CNNM3: variants seen among roughly 807,000 people sequenced by gnomAD.
CNNM3 encodes metal transporter CNNM3.
In CNNM3, 47 loss-of-function variants were observed where a neutral mutation model predicts 57.1. That is an observed-to-expected ratio of 0.82 (90% CI 0.65 to 1.05). CNNM3 has a LOEUF of 1.05. Among genes scored for constraint, CNNM3 ranks in the 50% least tolerant of loss-of-function variants. The probability of loss-of-function intolerance (pLI) is 0.00; values close to 1 mark genes in which losing one functional copy is unlikely to be tolerated. For synonymous variants in CNNM3, 507 were observed against 478.2 expected (o/e 1.06, Z -0.79); for missense variants, 957 against 973.7 (o/e 0.98, Z 0.23).
At chr2:96,823,513 G>A (rs975587216) in intron 1 of CNNM3, among the ~76,000 whole-genome samples, 2 of 152,188 alleles carry the variant, frequency 1.3e-5, no homozygotes, top group African/African-American at 4.8e-5. Flanking sequence ...CTAGAAACGC[G>A]GTTCAGCAGG....
Position 96,816,437 on chromosome 2 carries a change from G to T in CNNM3, c.160G>T (p.Ala54Ser). The change falls in exon 1 of 8, where the codon GCG (alanine) becomes TCG (serine). Residue 54 changes from alanine to serine, a missense_variant. Physicochemically the swap from Ala to Ser is moderately conservative, Grantham distance 99 (BLOSUM62 1). Transcript: ENST00000305510. ...AGAGWVRGGA[A>S]RDTPDATFLL... is the part of the protein sequence containing the mutation. ...CGCGGGTTGGGTACGCGGAGGGGCGGCGCGGGACACGCCGGACGCCACCTT... is the reference window on the plus strand; with the variant it reads ...CGCGGGTTGGGTACGCGGAGGGGCGTCGCGGGACACGCCGGACGCCACCTT... 1 of 1,410,230 alleles carries T rather than the reference G, an allele frequency of 7.1e-7. No homozygotes were observed. The highest frequency in any genetic ancestry group is 9.2e-7 in the Non-Finnish European group (1 of 1,083,168). The allele number at this position is 1,410,230 out of a possible 1,614,324, so 87.4% of individuals were successfully genotyped here. A position where few individuals can be genotyped will look rare whatever the true frequency, so the allele number is the denominator to read the frequency against.
chr2:96,829,252 C>G, intron 7 of CNNM3, 118 bp downstream of exon 7: 2 of 1,325,238 alleles, frequency 1.5e-6, no homozygotes, highest in Non-Finnish European at 1.9e-6. Context: ...TCTTTTCTCC[C>G]CATCCTTTTC....
intron 5 of CNNM3, 67 bp from the exon 6 acceptor site, chr2:96,828,500 C>T: frequency 1.9e-6 from 3 of 1,599,956 alleles, no homozygotes; most frequent in Non-Finnish European, 2.6e-6. Context: ...TACAGTTGTC[C>T]CCACCAGGGG....
Position 96,818,870 on chromosome 2 carries a change from C to T in CNNM3, c.1225+1368C>T, listed in dbSNP as rs62152792. Reference sequence around the variant, plus strand: ...CTGTAAGGCCAAGAAGTGGCAAAGCCCCCTGGTATTTGTGGCAGGATGTTT... The same window carrying T: ...CTGTAAGGCCAAGAAGTGGCAAAGCTCCCTGGTATTTGTGGCAGGATGTTT... On this transcript the variant is annotated intron_variant, in intron 1 of 7. Coordinates refer to ENST00000305510, the MANE Select transcript of CNNM3 (RefSeq NM_017623.5). 8.5e-5 allele frequency among the ~76,000 whole-genome samples: 13 copies of T among 152,192 alleles called. 1 individual carries two copies. Among genetic ancestry groups the T allele is most frequent in the African/African-American group, 2.9e-4 (12 of 41,448 alleles).
Position 96,832,637 on chromosome 2 carries a change from G to C in CNNM3, c.*21G>C, listed in dbSNP as rs758920318. On this transcript the variant is annotated 3_prime_UTR_variant, in exon 8 of 8. Transcript: ENST00000305510. ...TTTAACGGCTCACTAGGCAGCCCCAGATCTGGGGAACAGATGAGCACGTGG... is the reference window on the plus strand; with the variant it reads ...TTTAACGGCTCACTAGGCAGCCCCACATCTGGGGAACAGATGAGCACGTGG... 14 of 1,612,388 alleles carry C rather than the reference G, an allele frequency of 8.7e-6. No homozygotes were observed. In the Admixed American group the frequency reaches 2.2e-4, roughly 25 times the overall value.
chr2:96,828,465 T>G, intron 5 of CNNM3, 102 bp from the exon 6 acceptor site: 1 of 1,416,472 alleles, frequency 7.1e-7, no homozygotes, highest in Non-Finnish European at 9.8e-7. Context: ...TCCAGAGTGA[T>G]TGGTGGGGTG....
intron 5 of CNNM3, 137 bp downstream of exon 5, chr2:96,828,332 C>A (rs899664968): frequency 1.3e-5 from 11 of 866,914 alleles, no homozygotes; most frequent in Non-Finnish European, 1.8e-5. Flanking sequence ...TGGTGTAGCC[C>A]CTGGGCTTCC....
chr2:96,819,881 T>C (rs184607230), intron 1 of CNNM3, among the ~76,000 whole-genome samples: 5 of 152,342 alleles, frequency 3.3e-5, no homozygotes, highest in Admixed American at 3.3e-4. Flanking sequence ...GTCAGGATCT[T>C]CGCTGCCATG....
chr2:96,825,035 C>A (rs755243128), intron 1 of CNNM3, 23 bp from the exon 2 acceptor site: 1 of 1,611,578 alleles, frequency 6.2e-7, no homozygotes, highest in Non-Finnish European at 8.5e-7. Flanking sequence ...GCAAGCTGTT[C>A]CATGAGTGTC....
Position 96,829,001 on chromosome 2 carries a change from G to A in CNNM3, c.1926G>A (p.Thr642=), listed in dbSNP as rs200572566. The change falls in exon 7 of 8, where the codon ACG becomes ACA. Residue 642 remains threonine, a synonymous_variant. Transcript: ENST00000305510. ...ALSDLQLIKV[T]RLQYLNALLA... ...GTAACGCTGTCATCCTCCAGGTTAC[G>A]CGACTGCAGTACCTCAATGCACTCC... 11 of 1,613,528 alleles carry A rather than the reference G, an allele frequency of 6.8e-6. No individual in the cohort carries two copies. The highest frequency in any genetic ancestry group is 3.3e-5 in the Admixed American group (2 of 59,950).
intron 2 of CNNM3, 89 bp from the exon 3 acceptor site, chr2:96,826,744 A>C (rs1376051841): frequency 1.4e-5 from 21 of 1,488,802 alleles, no homozygotes; most frequent in Non-Finnish European, 1.8e-6. Context: ...TGGCCTCAGG[A>C]GGAAGGAGCA....
At chr2:96,818,035 C>T (rs1370531418) in intron 1 of CNNM3, among the ~76,000 whole-genome samples, 2 of 152,190 alleles carry the variant, frequency 1.3e-5, no homozygotes, top group Non-Finnish European at 2.9e-5. Flanking sequence ...AATCCCTTAT[C>T]TGCGGTAAAG....
intron 4 of CNNM3, 33 bp from the exon 5 acceptor site, chr2:96,828,066 C>T (rs749157649): frequency 5.0e-6 from 8 of 1,597,390 alleles, no homozygotes; most frequent in Middle Eastern, 1.7e-4. Context: ...GTAATCTGGC[C>T]GCATCTGTTT....
Position 96,832,658 on chromosome 2 carries a change from C to T in CNNM3, c.*42C>T, listed in dbSNP as rs751646993. The T allele has an allele frequency of 9.3e-6, 15 of 1,609,564 alleles. No individual in the cohort carries two copies. Among genetic ancestry groups the T allele is most frequent in the Admixed American group, 5.0e-5 (3 of 59,972 alleles). ...CCCAGATCTGGGGAACAGATGAGCA[C>T]GTGGGGAGCTGGAGTGAGCTGAGCA... On this transcript the variant is annotated 3_prime_UTR_variant, in exon 8 of 8. Transcript: ENST00000305510.
Position 96,817,469 on chromosome 2 carries a change from A to T in CNNM3, c.1192A>T (p.Lys398Ter), listed in dbSNP as rs1364669980. ...HPLHFVFNDT[K>*]LDAVLEEFKR... is the part of the protein sequence containing the mutation. ...GCTCCACTTCGTCTTCAACGACACC[A>T]AGCTGGACGCTGTCCTGGAGGAATT... The change falls in exon 1 of 8, where the codon AAG (lysine) becomes TAG (stop). Residue 398 changes from lysine to a stop codon, truncating the protein, a stop_gained. Coordinates refer to ENST00000305510, the MANE Select transcript of CNNM3 (RefSeq NM_017623.5). LOFTEE classifies it high-confidence loss of function. The T allele has an allele frequency of 6.2e-7, 1 of 1,613,600 alleles. No homozygotes were observed. The highest frequency in any genetic ancestry group is 8.5e-7 in the Non-Finnish European group (1 of 1,179,798).
Position 96,834,065 on chromosome 2 carries a change from C to T in CNNM3, c.*1449C>T, listed in dbSNP as rs1272800255. Among the ~76,000 whole-genome samples the T allele has an allele frequency of 6.6e-6, 1 of 151,982 alleles. No homozygotes were observed. Among genetic ancestry groups the T allele is most frequent in the Non-Finnish European group, 1.5e-5 (1 of 67,986 alleles). On this transcript the variant is annotated 3_prime_UTR_variant, in exon 8 of 8. Transcript: ENST00000305510. The stretch of plus-strand genomic sequence containing the variant: ...CCTGAGTAGCTGGGATTACAGGTGC[C>T]CACCACCACACCCGGCTAATTTTTG...
rs2079321052 is a variant in CNNM3, at chr2:96,816,556, C to G, written c.279C>G (p.Pro93=). The change falls in exon 1 of 8, where the codon CCC becomes CCG. Residue 93 remains proline (P), a synonymous_variant. Transcript: ENST00000305510. The part of the protein sequence containing the change: ...GAGCREEAAS[P]AGEWRALLRL... ...GCTGCCGGGAGGAGGCGGCCTCCCC[C>G]GCGGGCGAGTGGCGCGCGCTGCTGC... The G allele has an allele frequency of 3.8e-6, 5 of 1,319,434 alleles. No homozygotes were observed. Among genetic ancestry groups the G allele is most frequent in the Non-Finnish European group, 3.9e-6 (4 of 1,037,838 alleles). The allele number at this position is 1,319,434 out of a possible 1,614,324, so 81.7% of individuals were successfully genotyped here.
intron 7 of CNNM3, 148 bp from the exon 8 acceptor site, chr2:96,832,404 G>C: frequency 6.6e-7 from 1 of 1,508,980 alleles, no homozygotes; most frequent in Non-Finnish European, 8.9e-7. Context: ...CTAACCAGTC[G>C]CTCCTGTTTC....
chr2:96,832,675 AG>A lies in CNNM3; in HGVS notation c.*60del. ...GATGAGCACGTGGGGAGCTGGAGTGAGCTGAGCAGAAGTTTTGTGCCCGCCT... is the reference window on the plus strand; with the variant it reads ...GATGAGCACGTGGGGAGCTGGAGTGACTGAGCAGAAGTTTTGTGCCCGCCT... On this transcript the variant is annotated 3_prime_UTR_variant, in exon 8 of 8. Coordinates refer to ENST00000305510, the MANE Select transcript of CNNM3 (RefSeq NM_017623.5). The A allele has an allele frequency of 6.2e-7, 1 of 1,604,838 alleles. No individual in the cohort carries two copies. Among genetic ancestry groups the A allele is most frequent in the Admixed American group, 1.7e-5 (1 of 59,902 alleles).
Sources: allele counts gnomAD v4.1 joint callset (sites outside exome capture counted in the v4.1 genomes callset), GRCh38; gene constraint gnomAD v4.1.1; transcripts MANE v1.5; gene names NCBI Gene and HGNC (gene_info 2026-07-23, HGNC 2026-07-21).